Variants in ZBTB14 observed in about 807,000 individuals in gnomAD.
ZBTB14 encodes zinc finger and BTB domain containing 14, also known as zinc finger and BTB domain-containing protein 14.
A neutral mutation model predicts 29.5 loss-of-function variants in ZBTB14; 8 were observed. The ratio of observed to expected loss-of-function variants is 0.27; its 90% confidence interval spans 0.16 to 0.49. ZBTB14 has a LOEUF of 0.49. Ranked by LOEUF, ZBTB14 falls within the 20% of genes least tolerant of loss-of-function variation. The probability of loss-of-function intolerance (pLI) is 0.99; values close to 1 mark genes in which losing one functional copy is unlikely to be tolerated. For missense variants in ZBTB14, 333 were observed against 563.8 expected (o/e 0.59, Z 4.15); for synonymous variants, 226 against 207.2 (o/e 1.09, Z -0.78).
At chr18:5,294,741 G>C (rs1236621497) in intron 1 of ZBTB14, 4 of 152,372 alleles carry the variant, frequency 2.6e-5, no homozygotes, top group Non-Finnish European at 4.4e-5. Context: ...CCAAACTGCG[G>C]GCGCGCTAAG....
Position 5,290,838 on chromosome 18 carries a change from G to C in ZBTB14, c.*20C>G. On this transcript the variant is annotated 3_prime_UTR_variant, in exon 4 of 4. Coordinates refer to ENST00000651870, the MANE Select transcript of ZBTB14 (RefSeq NM_001243702.2). ...TCTCAGTCTCCACTTTCCAGGCAAA[G>C]TGTCCCTGTCCCACCGCCTCTAGCT... 1 of 1,599,632 alleles carries C rather than the reference G, an allele frequency of 6.3e-7. No individual in the cohort carries two copies. Among genetic ancestry groups the C allele is most frequent in the Non-Finnish European group, 8.5e-7 (1 of 1,172,868 alleles).
In ZBTB14 at chr18:5,292,013, G is replaced by C; in HGVS notation, c.195C>G (p.Phe65Leu). Residue 65 changes from phenylalanine (F) to leucine (L), a missense_variant, in exon 4 of 4, where the codon TTC (phenylalanine) becomes TTG (leucine). Phe to Leu is a conservative substitution (Grantham distance 22, BLOSUM62 0). Coordinates refer to ENST00000651870, the MANE Select transcript of ZBTB14 (RefSeq NM_001243702.2). ...AACSTYFKKL[F>L]KKLEVDSSSV... ...AAGAACTATCAACCTCAAGCTTCTT[G>C]AAAAGCTTTTTAAAGTAAGTGCTGC... is the stretch of plus-strand genomic sequence containing the variant. 6.2e-7 allele frequency: 1 copy of C among 1,613,142 alleles called. No individual in the cohort carries two copies.
rs896176331 is a variant in ZBTB14, at chr18:5,290,609, G to T, written c.*249C>A. 3 of 327,632 alleles carry T rather than the reference G, an allele frequency of 9.2e-6. No homozygotes were observed. Among genetic ancestry groups the T allele is most frequent in the East Asian group, 8.8e-5 (2 of 22,806 alleles). 20.3% of individuals were successfully genotyped at this position (327,632 alleles called of 1,614,324 possible). On this transcript the variant is annotated 3_prime_UTR_variant, in exon 4 of 4. Coordinates refer to ENST00000651870, the MANE Select transcript of ZBTB14 (RefSeq NM_001243702.2). ...AAATTAAAATAATAAAAAAAAAAAAGGGAGAGAGGTGCTTACTGGGCAACA... is the reference window on the plus strand; with the variant it reads ...AAATTAAAATAATAAAAAAAAAAAATGGAGAGAGGTGCTTACTGGGCAACA...
At chr18:5,293,134 T>A (rs1384734500) in intron 3 of ZBTB14, 110 bp downstream of exon 3, 1 of 1,189,240 alleles carries the variant, frequency 8.4e-7, no homozygotes, top group Non-Finnish European at 1.2e-6. Context: ...CGGCTAATAT[T>A]TTCCCCCAGA....
chr18:5,296,389 TCCGCCCGCGCCCG>T (rs1402870936), upstream of ZBTB14, among the ~76,000 whole-genome samples: 1 of 149,810 alleles, frequency 6.7e-6, no homozygotes, highest in Non-Finnish European at 1.5e-5. Flanking sequence ...TTCGTGGGCT[TCCGCCCGCGCCCG>T]GCGCCGGCGC....
chr18:5,291,697 C>G lies in ZBTB14; in HGVS notation c.511G>C (p.Asp171His). 6.2e-7 allele frequency: 1 copy of G among 1,614,142 alleles called. No homozygotes were observed. Among genetic ancestry groups the G allele is most frequent in the Non-Finnish European group, 8.5e-7 (1 of 1,180,032 alleles). Reference sequence around the variant, plus strand: ...TCTACTGTGTCATCAGAAGGACTGTCATCCTGATCCCCGATTTCCTCTACA... The same window carrying G: ...TCTACTGTGTCATCAGAAGGACTGTGATCCTGATCCCCGATTTCCTCTACA... The part of the protein sequence containing the change: ...DDVEEIGDQD[D>H]SPSDDTVEGT... The change falls in exon 4 of 4, where the codon GAC becomes CAC. Residue 171 changes from aspartate to histidine, a missense_variant. By Grantham distance (81) the Asp-to-His change is moderately conservative. This residue lies in a region of ZBTB14 where 126 missense variants were observed against 132.2 expected (regional missense o/e 0.95). Coordinates refer to ENST00000651870, the MANE Select transcript of ZBTB14 (RefSeq NM_001243702.2). The surrounding 1 kb of genome is among the most constrained non-coding windows in gnomAD (Gnocchi z 5.8).
rs1383111908 is a variant in ZBTB14 at position 5,290,229 on chromosome 18, G to A, written c.*629C>T. 6.6e-6 allele frequency: 1 copy of A among 152,312 alleles called. No homozygotes were observed. Among genetic ancestry groups the A allele is most frequent in the Non-Finnish European group, 1.5e-5 (1 of 68,212 alleles). 9.4% of individuals were successfully genotyped at this position (152,312 alleles called of 1,614,324 possible). ...GACTACAGCTTTTGGGTAGGTACAGGGCAATCAAGATTGAGGAAGAACACT... is the reference window on the plus strand; with the variant it reads ...GACTACAGCTTTTGGGTAGGTACAGAGCAATCAAGATTGAGGAAGAACACT... On this transcript the variant is annotated 3_prime_UTR_variant, in exon 4 of 4. Coordinates refer to ENST00000651870, the MANE Select transcript of ZBTB14 (RefSeq NM_001243702.2).
At position 5,291,122 on chromosome 18, in the gene ZBTB14, C is replaced by A; in HGVS notation, c.1086G>T (p.Ala362=). The change falls in exon 4 of 4, where the codon GCG becomes GCT. Residue 362 remains alanine, a synonymous_variant. Transcript: ENST00000651870. The surrounding 1 kb of genome is among the most constrained non-coding windows in gnomAD (Gnocchi z 5.8). Reference sequence around the variant, plus strand: ...TGAAGGCTTTGTCACACATGTGGCACGCAAACGGTCTTTCATTACTGTGAA... The same window carrying A: ...TGAAGGCTTTGTCACACATGTGGCAAGCAAACGGTCTTTCATTACTGTGAA... ...ERVHSNERPF[A]CHMCDKAFKH... is the part of the protein sequence containing the mutation. 6.2e-7 allele frequency: 1 copy of A among 1,614,248 alleles called. No individual in the cohort carries two copies. Among genetic ancestry groups the A allele is most frequent in the South Asian group, 1.1e-5 (1 of 91,084 alleles).
In ZBTB14 at chr18:5,290,597, A is replaced by T. The variant is rs556351591; in HGVS notation, c.*261T>A. 3.0e-3 allele frequency: 363 copies of T among 121,938 alleles called. 3 individuals are homozygous for T. In the East Asian group the frequency reaches 0.049, roughly 17 times the overall value. The allele number at this position is 121,938 out of a possible 1,614,324, so 7.6% of individuals were successfully genotyped here. On this transcript the variant is annotated 3_prime_UTR_variant, in exon 4 of 4. Transcript: ENST00000651870. Reference sequence around the variant, plus strand: ...ACAGGAGTTCTCAAATTAAAATAATAAAAAAAAAAAAGGGAGAGAGGTGCT... The same window carrying T: ...ACAGGAGTTCTCAAATTAAAATAATTAAAAAAAAAAAGGGAGAGAGGTGCT...
At chr18:5,294,696 C>T (rs897621815) in intron 1 of ZBTB14, 2 of 152,386 alleles carry the variant, frequency 1.3e-5, no homozygotes, top group East Asian at 1.9e-4. Context: ...CCCAACACCA[C>T]CTTCATAATA....
chr18:5,296,372 G>T (rs1192995487), upstream of ZBTB14, among the ~76,000 whole-genome samples: 2 of 150,058 alleles, frequency 1.3e-5, no homozygotes, highest in Non-Finnish European at 3.0e-5. Context: ...GCTCCCTCCC[G>T]CCCTGGTTCG....
At chr18:5,295,103 G>C (rs992224509) in intron 1 of ZBTB14, among the ~76,000 whole-genome samples, 20 of 150,526 alleles carry the variant, frequency 1.3e-4, no homozygotes, top group Admixed American at 3.3e-4. Context: ...ACCGCGGCTC[G>C]GAGCGCGCAG....
upstream of ZBTB14, among the ~76,000 whole-genome samples, chr18:5,296,819 C>T (rs1218393465): frequency 6.6e-6 from 1 of 152,168 alleles, no homozygotes. Flanking sequence ...GGCGACCCGT[C>T]TGTGGCAGTC....
chr18:5,292,546 T>C (rs1378540922), intron 3 of ZBTB14, among the ~76,000 whole-genome samples: 2 of 152,344 alleles, frequency 1.3e-5, no homozygotes, highest in South Asian at 2.1e-4. Context: ...CCCAATATTC[T>C]ATAGCTATTT....
At chr18:5,292,250 A>G in intron 3 of ZBTB14, 46 bp from the exon 4 acceptor site, 1 of 1,374,750 alleles carries the variant, frequency 7.3e-7, no homozygotes, top group South Asian at 1.5e-5. Flanking sequence ...GTACTTTTCC[A>G]TATAGAGAAC....
upstream of ZBTB14, among the ~76,000 whole-genome samples, chr18:5,296,504 C>A (rs915104262): frequency 6.6e-6 from 1 of 151,354 alleles, no homozygotes; most frequent in Non-Finnish European, 1.5e-5. Flanking sequence ...GGCGCTGAGG[C>A]TGCGGGGCTC....
chr18:5,296,671 A>G (rs1470794269), upstream of ZBTB14, among the ~76,000 whole-genome samples: 1 of 152,010 alleles, frequency 6.6e-6, no homozygotes, highest in African/African-American at 2.4e-5. Flanking sequence ...CTTGCAGAAC[A>G]AATGGAAAAA....
Position 5,291,811 on chromosome 18 carries a change from G to T in ZBTB14, c.397C>A (p.Pro133Thr). ...TTGGACTGACCATTGTTTTCATCGG[G>T]ACTGGACACATCACGCTTCTGAGAA... ...LCSQKRDVSS[P>T]DENNGQSKSK... Residue 133 changes from proline to threonine, a missense_variant, in exon 4 of 4, where the codon CCC becomes ACC. Physicochemically the swap from Pro to Thr is conservative, Grantham distance 38. This residue lies in a region of ZBTB14 where 126 missense variants were observed against 132.2 expected (regional missense o/e 0.95). Coordinates refer to ENST00000651870, the MANE Select transcript of ZBTB14 (RefSeq NM_001243702.2). The surrounding 1 kb of genome is among the most constrained non-coding windows in gnomAD (Gnocchi z 5.8). 1 of 1,613,942 alleles carries T rather than the reference G, an allele frequency of 6.2e-7. No individual in the cohort carries two copies. The highest frequency in any genetic ancestry group is 8.5e-7 in the Non-Finnish European group (1 of 1,179,926).
chr18:5,296,440 C>G (rs560270632), upstream of ZBTB14, among the ~76,000 whole-genome samples: 31 of 150,086 alleles, frequency 2.1e-4, no homozygotes, highest in Admixed American at 5.3e-4. Context: ...AGCCAGCGCT[C>G]CCGTGCGTGT....
Sources: gnomAD v4.1 joint callset for allele counts (sites outside exome capture counted in the v4.1 genomes callset) on GRCh38, gnomAD v4.1.1 for gene constraint, gnomAD v4.1.1 regional missense constraint, Gnocchi (gnomAD v3.1) non-coding constraint, MANE v1.5 for transcripts, NCBI Gene and HGNC (gene_info 2026-07-23, HGNC 2026-07-21) for gene names.